Variants in POU2F3 observed in about 807,000 individuals in gnomAD.
POU2F3 encodes POU class 2 homeobox 3.
A neutral mutation model predicts 59.2 loss-of-function variants in POU2F3; 23 were observed. The ratio of observed to expected loss-of-function variants is 0.39; its 90% confidence interval spans 0.28 to 0.55. The LOEUF is 0.55. Ranked by LOEUF, POU2F3 falls within the 20% of genes least tolerant of loss-of-function variation. The pLI, the probability that POU2F3 is intolerant of heterozygous loss-of-function variation, is 0.66. For synonymous variants in POU2F3, 190 were observed against 214.6 expected, an observed-to-expected ratio of 0.89 and a Z score of 1.00; for missense variants, 473 against 544.5, an observed-to-expected ratio of 0.87 and a Z score of 1.31.
chr11:120,252,689 C>T (rs1398936400), intron 2 of POU2F3, among the ~76,000 whole-genome samples: 1 of 152,204 alleles, frequency 6.6e-6, no homozygotes, highest in Admixed American at 6.5e-5. Flanking sequence ...AGAACCTTAT[C>T]AAATAAAGCA....
intron 1 of POU2F3, among the ~76,000 whole-genome samples, chr11:120,242,557 G>T (rs1938710050): frequency 6.6e-6 from 1 of 152,138 alleles, no homozygotes; most frequent in Non-Finnish European, 1.5e-5. Flanking sequence ...GGGTCCTTGG[G>T]GTCTCCTCCT....
chr11:120,264,965 T>G (rs942170104), intron 2 of POU2F3, among the ~76,000 whole-genome samples: 1 of 152,174 alleles, frequency 6.6e-6, no homozygotes, highest in African/African-American at 2.4e-5. Context: ...ATGAATAAAT[T>G]TAAGCATTGC....
intron 11 of POU2F3, 30 bp downstream of exon 11, chr11:120,315,457 C>T (rs2135140037): frequency 6.3e-7 from 1 of 1,584,692 alleles, no homozygotes; most frequent in Non-Finnish European, 8.7e-7. Flanking sequence ...TTCTGAAGAA[C>T]ACCAGAATTC....
intron 2 of POU2F3, among the ~76,000 whole-genome samples, chr11:120,262,268 T>C (rs1161906155): frequency 6.6e-6 from 1 of 152,258 alleles, no homozygotes; most frequent in Non-Finnish European, 1.5e-5. Context: ...GATTCAATAA[T>C]GAACATTTCG....
At chr11:120,277,970 C>T (rs931571953) in intron 3 of POU2F3, among the ~76,000 whole-genome samples, 1 of 152,134 alleles carries the variant, frequency 6.6e-6, no homozygotes, top group South Asian at 2.1e-4. Context: ...CAAGTACAGG[C>T]TGATATTGGT....
At chr11:120,295,248 C>G (rs139045034) in intron 3 of POU2F3, among the ~76,000 whole-genome samples, 1 of 152,356 alleles carries the variant, frequency 6.6e-6, no homozygotes, top group East Asian at 1.9e-4. Context: ...GGAGGCAAAG[C>G]ACATGTTTTC....
chr11:120,308,163 C>T (rs754061133), intron 9 of POU2F3, among the ~76,000 whole-genome samples: 9 of 152,174 alleles, frequency 5.9e-5, no homozygotes, highest in Non-Finnish European at 1.3e-4. Flanking sequence ...TATACACCTA[C>T]GTTTTTTGGA....
intron 2 of POU2F3, among the ~76,000 whole-genome samples, chr11:120,248,241 T>C (rs1255344618): frequency 6.6e-6 from 1 of 152,086 alleles, no homozygotes; most frequent in Non-Finnish European, 1.5e-5. Context: ...CCACTTTGCC[T>C]CCCTAGGAGG....
rs879345042 is a variant in POU2F3 at position 120,288,833 on chromosome 11, T to TATGTATTACATACGC, written c.133-9431_133-9430insTGTATTACATACGCA. Among the ~76,000 whole-genome samples the TATGTATTACATACGC allele has an allele frequency of 5.3e-5, 7 of 132,482 alleles. No homozygotes were observed. The South Asian group carries it at 7.7e-4, about 15-fold the overall frequency. The allele number at this position is 132,482 out of a possible 152,430, so 86.9% of individuals were successfully genotyped here. On this transcript the variant is annotated intron_variant, in intron 3 of 12. Coordinates refer to ENST00000543440, the MANE Select transcript of POU2F3 (RefSeq NM_014352.4). The stretch of plus-strand genomic sequence containing the variant: ...TACGCACATGTATGTATTACATATG[T>TATGTATTACATACGC]ACATGTATGTAATACATACATGTGC...
chr11:120,302,055 G>T (rs550717793), intron 5 of POU2F3: 2 of 503,536 alleles, frequency 4.0e-6, no homozygotes, highest in South Asian at 5.6e-5. Context: ...ACTGGTTTGG[G>T]GACTGCTGTT....
At chr11:120,304,962 A>AG in intron 6 of POU2F3, 68 bp from the exon 7 acceptor site, 1 of 1,135,812 alleles carries the variant, frequency 8.8e-7, no homozygotes, top group Admixed American at 2.9e-5. Context: ...AAAAAAAAAA[A>AG]AAAAAAAAAT....
chr11:120,304,945 A>AC, intron 6 of POU2F3, 85 bp from the exon 7 acceptor site: 1 of 422,860 alleles, frequency 2.4e-6, no homozygotes, highest in Non-Finnish European at 3.3e-6. Flanking sequence ...CTATTAGTAA[A>AC]AAAAAAAAAA....
At chr11:120,251,017 G>C (rs1197325846) in intron 2 of POU2F3, among the ~76,000 whole-genome samples, 2 of 151,940 alleles carry the variant, frequency 1.3e-5, no homozygotes, top group Admixed American at 6.5e-5. Flanking sequence ...ACTTACACTA[G>C]AGTGTGGTAG....
intron 7 of POU2F3, 142 bp downstream of exon 7, chr11:120,305,354 G>A (rs1029844845): frequency 3.0e-5 from 31 of 1,031,768 alleles, no homozygotes; most frequent in Non-Finnish European, 3.3e-5. Context: ...TGAGAATAGG[G>A]CACAGTTGCC....
chr11:120,311,934 G>A (rs1015806252), intron 10 of POU2F3, among the ~76,000 whole-genome samples: 6 of 152,236 alleles, frequency 3.9e-5, no homozygotes, highest in Admixed American at 2.0e-4. Flanking sequence ...GTAGATGTGC[G>A]GAGTGTTGGG....
intron 3 of POU2F3, among the ~76,000 whole-genome samples, chr11:120,288,804 T>C (rs947325322): frequency 6.6e-6 from 1 of 152,104 alleles, no homozygotes; most frequent in African/African-American, 2.4e-5. Flanking sequence ...ATGTATGTAT[T>C]ACATACGCAC....
At chr11:120,289,727 T>A (rs962202075) in intron 3 of POU2F3, among the ~76,000 whole-genome samples, 1 of 152,106 alleles carries the variant, frequency 6.6e-6, no homozygotes, top group Non-Finnish European at 1.5e-5. Context: ...CCTGGCAAAC[T>A]TTTCTTCATC....
rs991846560 is a variant in POU2F3, at chr11:120,317,345, T to C, written c.1252T>C (p.Ser418Pro). ...NNSKAAVNSA[S>P]SFNSSGSWYR... The stretch of plus-strand genomic sequence containing the variant: ...CTCCAAAGCAGCAGTGAACTCCGCC[T>C]CCAGTTTTAACTCTTCAGGGTAAGG... Residue 418 changes from serine to proline, a missense_variant, in exon 12 of 13, where the codon TCC (serine) becomes CCC (proline). Coordinates refer to ENST00000543440, the MANE Select transcript of POU2F3 (RefSeq NM_014352.4). 2 of 1,613,972 alleles carry C rather than the reference T, an allele frequency of 1.2e-6. No individual in the cohort carries two copies. Among genetic ancestry groups the C allele is most frequent in the African/African-American group, 2.7e-5 (2 of 74,894 alleles).
chr11:120,239,262 G>C (rs907418349), upstream of POU2F3, among the ~76,000 whole-genome samples: 5 of 152,234 alleles, frequency 3.3e-5, no homozygotes, highest in African/African-American at 1.2e-4. Flanking sequence ...CCATCCTGTG[G>C]TGACAGACCA....
Sources: allele counts gnomAD v4.1 joint callset (sites outside exome capture counted in the v4.1 genomes callset), GRCh38; gene constraint gnomAD v4.1.1; transcripts MANE v1.5; gene names NCBI Gene and HGNC (gene_info 2026-07-23, HGNC 2026-07-21).